The following LIN7A variants were observed in gnomAD, a reference collection of about 807,000 sequenced individuals.
The protein encoded by LIN7A is protein lin-7 homolog A.
In LIN7A, 25 loss-of-function variants were observed where a neutral mutation model predicts 29.8. That is an observed-to-expected ratio of 0.84 (90% confidence interval 0.61 to 1.17). The LOEUF (loss-of-function observed/expected upper bound fraction) is 1.17, where lower values mean the gene tolerates loss of function less well. Ranked by LOEUF, LIN7A falls within the 50% of genes most tolerant of loss-of-function variation. LIN7A has a pLI of 0.00. For synonymous variants in LIN7A, 118 were observed against 107.5 expected (o/e 1.10, Z -0.60); for missense variants, 239 against 287.0 (o/e 0.83, Z 1.21).
chr12:80,859,770 A>G (rs1475219991), intron 2 of LIN7A, among the ~76,000 whole-genome samples: 2 of 152,198 alleles, frequency 1.3e-5, no homozygotes, highest in Non-Finnish European at 2.9e-5. Context: ...AATATGTACA[A>G]TATAGATACA....
intron 2 of LIN7A, among the ~76,000 whole-genome samples, chr12:80,884,345 C>T (rs911625083): frequency 6.6e-6 from 1 of 152,160 alleles, no homozygotes; most frequent in Non-Finnish European, 1.5e-5. Flanking sequence ...GTACAATAAT[C>T]TCTAAGTCTT....
chr12:80,845,849 C>T lies in LIN7A; in HGVS notation c.364G>A (p.Val122Met). The T allele has an allele frequency of 6.2e-7, 1 of 1,613,022 alleles. No individual in the cohort carries two copies. Among genetic ancestry groups the T allele is most frequent in the Non-Finnish European group, 8.5e-7 (1 of 1,179,766 alleles). The change falls in exon 4 of 6, where the codon GTG becomes ATG. Residue 122 changes from valine (V) to methionine (M), a missense_variant. Coordinates refer to ENST00000552864, the MANE Select transcript of LIN7A (RefSeq NM_004664.4). ...PKTDEGLGFN[V>M]MGGKEQNSPI... The stretch of plus-strand genomic sequence containing the variant: ...GAATTTTGCTCCTTTCCTCCCATCA[C>T]ATTAAAACCAAGGCCTTCATCAGTC...
chr12:80,807,010 C>T (rs1039817587), intron 5 of LIN7A, among the ~76,000 whole-genome samples: 1 of 144,518 alleles, frequency 6.9e-6, no homozygotes, highest in Non-Finnish European at 1.5e-5. Flanking sequence ...ATGCTTTTTA[C>T]TAAAAATACT....
chr12:80,893,253 A>G (rs1201295435), intron 1 of LIN7A, among the ~76,000 whole-genome samples: 1 of 152,228 alleles, frequency 6.6e-6, no homozygotes, highest in Non-Finnish European at 1.5e-5. Context: ...CACAGATGAC[A>G]GCAATTAGTG....
chr12:80,830,143 C>T (rs947555120), intron 4 of LIN7A, among the ~76,000 whole-genome samples: 1 of 152,162 alleles, frequency 6.6e-6, no homozygotes, highest in African/African-American at 2.4e-5. Context: ...ATGTCTCTTT[C>T]ACCTTCCTCA....
At chr12:80,860,642 G>A (rs956625147) in intron 2 of LIN7A, among the ~76,000 whole-genome samples, 3 of 152,164 alleles carry the variant, frequency 2.0e-5, no homozygotes, top group Non-Finnish European at 4.4e-5. Context: ...TCAGAACCCA[G>A]AACAACAGGA....
At chr12:80,873,894 A>C (rs1795502) in intron 2 of LIN7A, among the ~76,000 whole-genome samples, 47,912 of 150,920 alleles carry the variant, frequency 0.32, 11,532 homozygotes, top group African/African-American at 0.66. Flanking sequence ...ACACTGGGAA[A>C]GATGCCTCTT....
intron 1 of LIN7A, among the ~76,000 whole-genome samples, chr12:80,923,902 T>A (rs949685493): frequency 6.6e-6 from 1 of 152,228 alleles, no homozygotes; most frequent in Non-Finnish European, 1.5e-5. Context: ...GTATTTTGTT[T>A]GTTGTGAAGA....
chr12:80,876,563 A>G (rs1419360026), intron 2 of LIN7A, among the ~76,000 whole-genome samples: 1 of 152,232 alleles, frequency 6.6e-6, no homozygotes, highest in Non-Finnish European at 1.5e-5. Flanking sequence ...GTAAAAGCCC[A>G]AGTTAGTAGA....
At chr12:80,935,246 G>A (rs1878145037) in intron 1 of LIN7A, among the ~76,000 whole-genome samples, 1 of 152,176 alleles carries the variant, frequency 6.6e-6, no homozygotes, top group South Asian at 2.1e-4. Flanking sequence ...ATGCAACAGA[G>A]TGTGATAAAT....
intron 5 of LIN7A, among the ~76,000 whole-genome samples, chr12:80,810,565 C>A (rs762195567): frequency 6.6e-6 from 1 of 152,148 alleles, no homozygotes; most frequent in South Asian, 2.1e-4. Context: ...GGAGTGTAAA[C>A]ATCTCTTTGA....
chr12:80,902,736 A>G (rs1472821415), intron 1 of LIN7A, among the ~76,000 whole-genome samples: 1 of 152,062 alleles, frequency 6.6e-6, no homozygotes, highest in Non-Finnish European at 1.5e-5. Context: ...TACTTAAGTC[A>G]TTTATGAGTT....
At chr12:80,851,833 G>A (rs1006126018) in intron 2 of LIN7A, among the ~76,000 whole-genome samples, 9 of 152,052 alleles carry the variant, frequency 5.9e-5, no homozygotes, top group African/African-American at 2.2e-4. Flanking sequence ...GAAACTCATA[G>A]GGGTTTTATA....
Position 80,852,041 on chromosome 12 carries a change from T to C in LIN7A, c.202-3719A>G, listed in dbSNP as rs146816951. Among the ~76,000 whole-genome samples, 1,112 of 152,304 alleles carry C rather than the reference T, an allele frequency of 7.3e-3. 19 individuals are homozygous for C. Among genetic ancestry groups the C allele is most frequent in the Admixed American group, 0.028 (435 of 15,294 alleles). On this transcript the variant is annotated intron_variant, in intron 2 of 5. Transcript: ENST00000552864. ...CATTTAGGAGCAATTCTAGTCAATG[T>C]ATTAGGCATCTGGGCTAAATTATGA...
intron 5 of LIN7A, among the ~76,000 whole-genome samples, chr12:80,808,160 T>C (rs1423584320): frequency 2.6e-5 from 4 of 152,336 alleles, no homozygotes; most frequent in African/African-American, 9.6e-5. Flanking sequence ...AGCTACTGCA[T>C]TGGCTATTTC....
At chr12:80,802,930 A>T (rs1870790746) in intron 5 of LIN7A, among the ~76,000 whole-genome samples, 1 of 152,068 alleles carries the variant, frequency 6.6e-6, no homozygotes, top group Non-Finnish European at 1.5e-5. Flanking sequence ...GCTATACCTT[A>T]GGCTTCTTTT....
At chr12:80,825,924 G>A (rs188664137) in intron 4 of LIN7A, among the ~76,000 whole-genome samples, 3 of 152,200 alleles carry the variant, frequency 2.0e-5, no homozygotes, top group Non-Finnish European at 4.4e-5. Flanking sequence ...AAAACATCAG[G>A]GGGAAATACA....
At chr12:80,873,952 C>T (rs886560539) in intron 2 of LIN7A, among the ~76,000 whole-genome samples, 1 of 151,404 alleles carries the variant, frequency 6.6e-6, no homozygotes, top group Non-Finnish European at 1.5e-5. Context: ...GGTTCTGTAG[C>T]TGCATTTCTA....
chr12:80,859,054 C>T (rs1306283325), intron 2 of LIN7A, among the ~76,000 whole-genome samples: 1 of 151,918 alleles, frequency 6.6e-6, no homozygotes, highest in Non-Finnish European at 1.5e-5. Context: ...AATAAGGTTG[C>T]CAGATGTAGC....
Sources: allele counts gnomAD v4.1 joint callset (sites outside exome capture counted in the v4.1 genomes callset), GRCh38; gene constraint gnomAD v4.1.1; transcripts MANE v1.5; gene names NCBI Gene and HGNC (gene_info 2026-07-23, HGNC 2026-07-21).